LUZP2: variants seen among roughly 807,000 people sequenced by gnomAD.
The protein encoded by LUZP2 is leucine zipper protein 2.
In LUZP2, 52 loss-of-function variants were observed where a neutral mutation model predicts 51.6. The observed-to-expected ratio is 1.01, with a 90% CI of 0.81 to 1.27. The LOEUF (loss-of-function observed/expected upper bound fraction) is 1.27, where lower values mean the gene tolerates loss of function less well. Ranked by LOEUF, LUZP2 falls within the 50% of genes most tolerant of loss-of-function variation. LUZP2 has a pLI of 0.00. For missense variants in LUZP2, 436 were observed against 395.4 expected, an observed-to-expected ratio of 1.10 and a Z score of -0.87; for synonymous variants, 154 against 137.3, an observed-to-expected ratio of 1.12 and a Z score of -0.85.
chr11:24,567,147 T>C (rs1241052996), intron 1 of LUZP2, among the ~76,000 whole-genome samples: 1 of 151,066 alleles, frequency 6.6e-6, no homozygotes, highest in African/African-American at 2.4e-5. Context: ...AGCCAAAAAA[T>C]TAATTTTTAA....
At chr11:24,868,008 A>G (rs575697551) in intron 5 of LUZP2, among the ~76,000 whole-genome samples, 1 of 152,150 alleles carries the variant, frequency 6.6e-6, no homozygotes, top group South Asian at 2.1e-4. Flanking sequence ...GTTCTGATCC[A>G]TGGCCAGCAT....
At chr11:24,903,711 C>T (rs76348777) in intron 5 of LUZP2, among the ~76,000 whole-genome samples, 310 of 152,282 alleles carry the variant, frequency 2.0e-3, no homozygotes, top group African/African-American at 7.3e-3. Context: ...CATCTAAAGA[C>T]AGTCTATGTA....
intron 1 of LUZP2, among the ~76,000 whole-genome samples, chr11:24,655,619 A>G (rs899322157): frequency 4.6e-5 from 7 of 152,208 alleles, no homozygotes; most frequent in Admixed American, 3.9e-4. Context: ...TGCAGAGTAG[A>G]TTAATACCTT....
chr11:24,550,098 G>A (rs1470961774), intron 1 of LUZP2, among the ~76,000 whole-genome samples: 1 of 151,912 alleles, frequency 6.6e-6, no homozygotes, highest in Non-Finnish European at 1.5e-5. Flanking sequence ...CTTGGGATTT[G>A]AGAACATTTA....
chr11:24,778,982 A>G (rs373847441), intron 5 of LUZP2, among the ~76,000 whole-genome samples: 14 of 152,272 alleles, frequency 9.2e-5, no homozygotes, highest in African/African-American at 3.1e-4. Flanking sequence ...TGACTCTAAA[A>G]TGTGTTTGGA....
At chr11:24,921,698 A>G (rs1304295789) in intron 7 of LUZP2, among the ~76,000 whole-genome samples, 1 of 152,196 alleles carries the variant, frequency 6.6e-6, no homozygotes, top group African/African-American at 2.4e-5. Flanking sequence ...ATTATATGCA[A>G]TCTAGGCATT....
Position 24,533,379 on chromosome 11 carries a change from G to T in LUZP2, c.62+36074G>T, listed in dbSNP as rs376696101. 2.3e-3 allele frequency among the ~76,000 whole-genome samples: 341 copies of T among 151,216 alleles called. 4 individuals are homozygous for T. The highest frequency in any genetic ancestry group is 0.017 in the Middle Eastern group (5 of 292). Reference sequence around the variant, plus strand: ...ATCCTACCCATTCAACTCCCTTTATGTTGCCATGAAATTGATATTTTCATA... The same window carrying T: ...ATCCTACCCATTCAACTCCCTTTATTTTGCCATGAAATTGATATTTTCATA... On this transcript the variant is annotated intron_variant, in intron 1 of 11. Transcript: ENST00000336930.
intron 9 of LUZP2, 72 bp from the exon 10 acceptor site, chr11:25,049,966 A>T (rs1057293777): frequency 2.6e-6 from 2 of 763,344 alleles, no homozygotes; most frequent in Non-Finnish European, 4.1e-6. Context: ...AACGATTTGG[A>T]TCTATTTGTT....
chr11:25,042,604 A>G (rs1339990865), intron 9 of LUZP2, among the ~76,000 whole-genome samples: 4 of 152,274 alleles, frequency 2.6e-5, no homozygotes, highest in South Asian at 2.1e-4. Flanking sequence ...AAAACAACAT[A>G]AATATTTTCT....
intron 1 of LUZP2, among the ~76,000 whole-genome samples, chr11:24,518,628 C>T (rs761949096): frequency 6.6e-6 from 1 of 152,068 alleles, no homozygotes; most frequent in Non-Finnish European, 1.5e-5. Context: ...GGTTTTTATG[C>T]ACATTTATTA....
intron 1 of LUZP2, among the ~76,000 whole-genome samples, chr11:24,696,597 A>C (rs1015922626): frequency 6.6e-6 from 1 of 152,054 alleles, no homozygotes; most frequent in South Asian, 2.1e-4. Flanking sequence ...ATTACTGTGC[A>C]TCTGCTATGA....
intron 1 of LUZP2, among the ~76,000 whole-genome samples, chr11:24,585,584 C>T (rs1390209497): frequency 6.6e-6 from 1 of 151,952 alleles, no homozygotes; most frequent in Non-Finnish European, 1.5e-5. Flanking sequence ...TATTTTTCTA[C>T]TTTAAAATTT....
chr11:24,651,479 T>C (rs570470055), intron 1 of LUZP2, among the ~76,000 whole-genome samples: 1 of 152,240 alleles, frequency 6.6e-6, no homozygotes, highest in East Asian at 1.9e-4. Flanking sequence ...AGATGATTTT[T>C]GTTGAGTGCC....
intron 7 of LUZP2, among the ~76,000 whole-genome samples, chr11:24,963,484 C>G (rs1855483546): frequency 6.6e-6 from 1 of 152,208 alleles, no homozygotes; most frequent in Non-Finnish European, 1.5e-5. Context: ...TGCCCCTCCC[C>G]CAGCCCCGCT....
At chr11:24,776,064 G>A (rs935739547) in intron 5 of LUZP2, among the ~76,000 whole-genome samples, 3 of 152,074 alleles carry the variant, frequency 2.0e-5, no homozygotes, top group Admixed American at 6.6e-5. Flanking sequence ...CCAATCAAAA[G>A]TTTCTTAAGT....
intron 5 of LUZP2, among the ~76,000 whole-genome samples, chr11:24,771,345 A>G (rs955256115): frequency 1.7e-5 from 2 of 115,512 alleles, no homozygotes; most frequent in African/African-American, 6.0e-5. Flanking sequence ...GGAGTACTCA[A>G]TAGTGTGTGC....
intron 1 of LUZP2, among the ~76,000 whole-genome samples, chr11:24,569,075 T>G (rs1329488523): frequency 1.5e-5 from 2 of 132,690 alleles, no homozygotes; most frequent in South Asian, 2.2e-4. Context: ...AAGCATTAAC[T>G]ATTGTAATAA....
chr11:24,744,097 T>C (rs2631423), intron 4 of LUZP2, among the ~76,000 whole-genome samples: 1,984 of 152,254 alleles, frequency 0.013, 47 homozygotes, highest in African/African-American at 0.045. Context: ...CTTTTTGATA[T>C]GTTGGATTCA....
intron 7 of LUZP2, among the ~76,000 whole-genome samples, chr11:24,970,755 C>G (rs894863153): frequency 2.6e-5 from 4 of 152,152 alleles, no homozygotes; most frequent in South Asian, 2.1e-4. Flanking sequence ...CCTTTAGAAT[C>G]TAGCTCTACT....
Sources: gnomAD v4.1 joint callset for allele counts (sites outside exome capture counted in the v4.1 genomes callset) on GRCh38, gnomAD v4.1.1 for gene constraint, MANE v1.5 for transcripts, NCBI Gene and HGNC (gene_info 2026-07-23, HGNC 2026-07-21) for gene names.